The following TNIP1 variants were observed in gnomAD, a reference collection of about 807,000 sequenced individuals.
The protein encoded by TNIP1 is TNFAIP3 interacting protein 1.
Under a neutral mutation model 86.6 loss-of-function variants are expected in TNIP1, and 22 were observed. That is an observed-to-expected ratio of 0.25 (90% confidence interval 0.18 to 0.36). TNIP1 has a LOEUF of 0.36. TNIP1 is among the 10% of genes least tolerant of loss of function. The probability of loss-of-function intolerance (pLI) is 1.00; values close to 1 mark genes in which losing one functional copy is unlikely to be tolerated. For synonymous variants in TNIP1, 294 were observed against 313.0 expected, an observed-to-expected ratio of 0.94 and a Z score of 0.64; for missense variants, 709 against 820.6, an observed-to-expected ratio of 0.86 and a Z score of 1.66.
intron 5 of TNIP1, among the ~76,000 whole-genome samples, chr5:151,059,866 T>TGTGTGCGC (rs142393672): frequency 2.9e-4 from 24 of 82,754 alleles, no homozygotes; most frequent in Non-Finnish European, 5.0e-4. Context: ...TGTGTGTGTG[T>TGTGTGCGC]GCGCGCGCGC....
chr5:151,041,373 A>G (rs1758395931), intron 11 of TNIP1, among the ~76,000 whole-genome samples: 1 of 152,008 alleles, frequency 6.6e-6, no homozygotes, highest in Non-Finnish European at 1.5e-5. Flanking sequence ...GCCTGGCCAT[A>G]CATTTTTCTT....
At chr5:151,048,808 T>C (rs1759519881) in intron 8 of TNIP1, among the ~76,000 whole-genome samples, 1 of 152,190 alleles carries the variant, frequency 6.6e-6, no homozygotes, top group African/African-American at 2.4e-5. Context: ...AGGATCTCCA[T>C]GGGCTGGGAT....
chr5:151,042,463 CT>C, intron 11 of TNIP1, 76 bp downstream of exon 11: 1 of 1,563,226 alleles, frequency 6.4e-7, no homozygotes, highest in East Asian at 2.3e-5. Context: ...ACTCCTGCCC[CT>C]GGCTTGTTTG....
intron 7 of TNIP1, among the ~76,000 whole-genome samples, chr5:151,050,774 A>G (rs1759818939): frequency 7.0e-6 from 1 of 143,694 alleles, no homozygotes; most frequent in South Asian, 2.4e-4. Context: ...CTCCCCCACC[A>G]CACACCCCCA....
upstream of TNIP1, among the ~76,000 whole-genome samples, chr5:151,084,608 T>G (rs1184786619): frequency 6.6e-6 from 1 of 152,158 alleles, no homozygotes; most frequent in Non-Finnish European, 1.5e-5. Context: ...CCCAGCACAG[T>G]GCTGTTTCCA....
intron 13 of TNIP1, among the ~76,000 whole-genome samples, 183 bp downstream of exon 13, chr5:151,036,607 C>T (rs1346484691): frequency 6.6e-6 from 1 of 152,170 alleles, no homozygotes; most frequent in Non-Finnish European, 1.5e-5. Flanking sequence ...GGTAGAGGAA[C>T]GACTTAAGCT....
chr5:151,041,222 C>T (rs1758377529), intron 11 of TNIP1, among the ~76,000 whole-genome samples: 1 of 152,068 alleles, frequency 6.6e-6, no homozygotes, highest in African/African-American at 2.4e-5. Flanking sequence ...AGACATGCGC[C>T]ACCACTCCCA....
rs1201741476 is a variant in TNIP1, at chr5:151,039,164, T to C, written c.1196A>G (p.Gln399Arg). 10 of 1,614,038 alleles carry C rather than the reference T, an allele frequency of 6.2e-6. No homozygotes were observed. The highest frequency in any genetic ancestry group is 8.5e-6 in the Non-Finnish European group (10 of 1,179,984). The change falls in exon 12 of 18, where the codon CAG (glutamine) becomes CGG (arginine). Residue 399 changes from glutamine (Q) to arginine (R), a missense_variant. Coordinates refer to ENST00000521591, the MANE Select transcript of TNIP1 (RefSeq NM_006058.5). The stretch of plus-strand genomic sequence containing the variant: ...TCGGGTGAGTGGGCTCAGCTGATCC[T>C]GCAGGTACTTGACCTTTTGGCGCAG... ...KELRQKVKYL[Q>R]DQLSPLTRQR...
intron 4 of TNIP1, 60 bp from the exon 5 acceptor site, chr5:151,060,455 G>T: frequency 6.5e-7 from 1 of 1,533,862 alleles, no homozygotes; most frequent in Non-Finnish European, 9.0e-7. Flanking sequence ...CTCCTCTGCG[G>T]CCCTGTGGCT....
At chr5:151,046,034 A>G (rs2113467360) in intron 8 of TNIP1, 84 bp from the exon 9 acceptor site, 1 of 1,340,604 alleles carries the variant, frequency 7.5e-7, no homozygotes, top group Non-Finnish European at 1.1e-6. Flanking sequence ...AAGACCCCTC[A>G]CCCAAGTGGC....
At chr5:151,031,878 C>T (rs563565773) in intron 17 of TNIP1, among the ~76,000 whole-genome samples, 21 of 152,110 alleles carry the variant, frequency 1.4e-4, no homozygotes, top group Non-Finnish European at 2.9e-4. Context: ...TCAAATGCTG[C>T]CCCCCCGGTC....
chr5:151,070,395 G>T (rs1223290929), intron 1 of TNIP1, among the ~76,000 whole-genome samples: 1 of 152,162 alleles, frequency 6.6e-6, no homozygotes, highest in Admixed American at 6.5e-5. Flanking sequence ...AAGGGCCAAG[G>T]CTTTCCCCAT....
At chr5:151,083,772 T>TA (rs1475175517), upstream of TNIP1, among the ~76,000 whole-genome samples, 2 of 152,148 alleles carry the variant, frequency 1.3e-5, no homozygotes, top group African/African-American at 2.4e-5. Flanking sequence ...TTGAAGGTAA[T>TA]AAAAAACATA....
chr5:151,039,307 C>A, intron 11 of TNIP1, 82 bp from the exon 12 acceptor site: 1 of 1,475,944 alleles, frequency 6.8e-7, no homozygotes, highest in South Asian at 1.3e-5. Context: ...CTGGCCCAGC[C>A]CTTACGTTCT....
chr5:151,069,166 G>A (rs761754835), intron 1 of TNIP1, among the ~76,000 whole-genome samples: 61 of 152,232 alleles, frequency 4.0e-4, no homozygotes, highest in Admixed American at 2.0e-4. Context: ...CAGGGAGGCA[G>A]TAGTCCCCAG....
At chr5:151,045,286 C>T (rs1282954572) in intron 9 of TNIP1, among the ~76,000 whole-genome samples, 3 of 152,128 alleles carry the variant, frequency 2.0e-5, no homozygotes, top group East Asian at 3.9e-4. Flanking sequence ...CACAGGGTTT[C>T]GCCATGTTGG....
At chr5:151,044,643 G>C (rs1581773545) in intron 9 of TNIP1, among the ~76,000 whole-genome samples, 1 of 152,222 alleles carries the variant, frequency 6.6e-6, no homozygotes, top group African/African-American at 2.4e-5. Context: ...GGGGAGGCAG[G>C]CTCAGGGTTC....
chr5:151,062,286 C>T, intron 3 of TNIP1, 74 bp from the exon 4 acceptor site: 1 of 1,389,946 alleles, frequency 7.2e-7, no homozygotes, highest in Admixed American at 1.7e-5. Flanking sequence ...TCAAGGACAG[C>T]CCTTGACAAA....
intron 15 of TNIP1, among the ~76,000 whole-genome samples, chr5:151,034,107 T>G (rs1025438580): frequency 5.7e-5 from 7 of 122,260 alleles, no homozygotes; most frequent in Non-Finnish European, 1.3e-4. Flanking sequence ...CATGGAAGGC[T>G]AGTACATGGG....
Sources: gnomAD v4.1 joint callset for allele counts (sites outside exome capture counted in the v4.1 genomes callset) on GRCh38, gnomAD v4.1.1 for gene constraint, MANE v1.5 for transcripts, NCBI Gene and HGNC (gene_info 2026-07-23, HGNC 2026-07-21) for gene names.